The following NOTCH4 variants were observed in gnomAD, a reference collection of about 807,000 sequenced individuals.
NOTCH4 encodes neurogenic locus notch homolog protein 4.
NOTCH4 carries 138 observed loss-of-function variants against 189.0 expected under a neutral mutation model. That is an observed-to-expected ratio of 0.73 (90% CI 0.64 to 0.84). The LOEUF is 0.84. Ranked by LOEUF, NOTCH4 falls within the 40% of genes least tolerant of loss-of-function variation. NOTCH4 has a pLI of 0.00. For missense variants in NOTCH4, 2,286 were observed against 2,605.4 expected (o/e 0.88, Z 2.67); for synonymous variants, 942 against 1,032.8 (o/e 0.91, Z 1.69).
rs1789497585 is a variant in NOTCH4, at chr6:32,217,659, C to A, written c.1624+336G>T. ...GGGGACAGAGGAGTGTCCGGTGAGG[C>A]TGGAGAAGAAAGGCTTGGGGCAGCT... On this transcript the variant is annotated intron_variant, in intron 9 of 29. Transcript: ENST00000375023. This position sits in a 1 kb window ranked among gnomAD's most constrained non-coding sequence, Gnocchi z 4.2. Among the ~76,000 whole-genome samples the A allele has an allele frequency of 6.6e-6, 1 of 152,064 alleles. No homozygotes were observed. The highest frequency in any genetic ancestry group is 2.4e-5 in the African/African-American group (1 of 41,410).
rs781146643 is a variant in NOTCH4, at chr6:32,202,109, TCAAA to T, written c.3718_3721del (p.Phe1240MetfsTer63). 3.3e-6 allele frequency: 5 copies of T among 1,494,056 alleles called. No individual in the cohort carries two copies. The highest frequency in any genetic ancestry group is 3.6e-6 in the Non-Finnish European group (4 of 1,118,732). The allele number at this position is 1,494,056 out of a possible 1,614,324, so 92.5% of individuals were successfully genotyped here. On this transcript the variant is annotated frameshift_variant, in exon 21 of 30. Transcript: ENST00000375023. LOFTEE classifies it high-confidence loss of function. The surrounding 1 kb of genome is among the most constrained non-coding windows in gnomAD (Gnocchi z 5.7). ...TGGAGGGGTCTCACAGTCGTAGCCA[TCAAA>T]CAGACACTCTTCAGAGTCACACTGT...
rs1788950385 is a variant in NOTCH4 at position 32,210,637 on chromosome 6, T to TA, written c.2865+114dup. 5.2e-5 allele frequency: 53 copies of TA among 1,026,000 alleles called. No homozygotes were observed. The highest frequency in any genetic ancestry group is 6.3e-5 in the Non-Finnish European group (43 of 680,964). The allele number at this position is 1,026,000 out of a possible 1,614,324, so 63.6% of individuals were successfully genotyped here. ...TTGTGGTTAGTTGGGTGTGTGGGGT[T>TA]AAAAAAAATAAAAGGAGGTGAAATG... On this transcript the variant is annotated intron_variant, in intron 18 of 29. Coordinates refer to ENST00000375023, the MANE Select transcript of NOTCH4 (RefSeq NM_004557.4). The surrounding 1 kb of genome is among the most constrained non-coding windows in gnomAD (Gnocchi z 4.8).
intron 28 of NOTCH4, 64 bp from the exon 29 acceptor site, chr6:32,196,485 C>G (rs1474906332): frequency 6.3e-7 from 1 of 1,588,264 alleles, no homozygotes; most frequent in South Asian, 1.1e-5. Context: ...TCCGGTTTCC[C>G]ACGGGTTCTG....
rs1464078016 is a variant in NOTCH4, at chr6:32,220,256, A to G, written c.1188T>C (p.Cys396=). 1 of 1,613,494 alleles carries G rather than the reference A, an allele frequency of 6.2e-7. No individual in the cohort carries two copies. The highest frequency in any genetic ancestry group is 8.5e-7 in the Non-Finnish European group (1 of 1,179,800). Residue 396 remains cysteine, a synonymous_variant, in exon 7 of 30, where the codon TGT becomes TGC. Transcript: ENST00000375023. ...CATCCCCATGGCACGGCTGGCTCAG[A>G]CACATGTCTTCCAAGTGGCACAGGA... ...TGLLCHLEDM[C]LSQPCHGDAQ...
Position 32,221,055 on chromosome 6 carries a change from C to A in NOTCH4, c.722G>T (p.Arg241Met). Reference protein sequence around the residue: ...CELRAGPCPPRGCSNGGTCQL... With the variant: ...CELRAGPCPPMGCSNGGTCQL... Reference sequence around the variant, plus strand: ...GCAGGTGCCCCCATTCGAACAGCCCCTAGGAGGGCAGGGTCCTGCCCGCAG... The same window carrying A: ...GCAGGTGCCCCCATTCGAACAGCCCATAGGAGGGCAGGGTCCTGCCCGCAG... Residue 241 changes from arginine (R) to methionine (M), a missense_variant, in exon 4 of 30, where the codon AGG (arginine) becomes ATG (methionine). Arg to Met is a moderately conservative substitution (Grantham distance 91, BLOSUM62 -1). This residue lies in a region of NOTCH4 where 1,903 missense variants were observed against 2,261.9 expected (regional missense o/e 0.84). Coordinates refer to ENST00000375023, the MANE Select transcript of NOTCH4 (RefSeq NM_004557.4). The surrounding 1 kb of genome is among the most constrained non-coding windows in gnomAD (Gnocchi z 4.3). The A allele has an allele frequency of 6.2e-7, 1 of 1,613,060 alleles. No individual in the cohort carries two copies. Among genetic ancestry groups the A allele is most frequent in the Non-Finnish European group, 8.5e-7 (1 of 1,179,730 alleles).
chr6:32,213,007 G>A (rs1049338413), intron 15 of NOTCH4, 96 bp from the exon 16 acceptor site: 1 of 1,324,364 alleles, frequency 7.6e-7, no homozygotes, highest in Admixed American at 1.8e-5. Context: ...CAGGGAGGTG[G>A]CAAGCCAGGA....
At position 32,199,105 on chromosome 6, in the gene NOTCH4, G is replaced by A. The variant is rs776576557; in HGVS notation, c.4356C>T (p.Ser1452=). 7 of 1,611,622 alleles carry A rather than the reference G, an allele frequency of 4.3e-6. No homozygotes were observed. Among genetic ancestry groups the A allele is most frequent in the Non-Finnish European group, 4.2e-6 (5 of 1,179,474 alleles). Residue 1452 remains serine (S), a synonymous_variant, in exon 24 of 30, where the codon TCC becomes TCT. Transcript: ENST00000375023. This position sits in a 1 kb window ranked among gnomAD's most constrained non-coding sequence, Gnocchi z 4.9. ...ANQLPWPVLC[S]PVAGVILLAL... ...CCAGGAGAATCACCCCGGCCACTGG[G>A]GAGCACAGCACAGGCCAGGGAAGCT...
Position 32,217,892 on chromosome 6 carries a change from G to A in NOTCH4, c.1624+103C>T. On this transcript the variant is annotated intron_variant, in intron 9 of 29. Transcript: ENST00000375023. This position sits in a 1 kb window ranked among gnomAD's most constrained non-coding sequence, Gnocchi z 4.2. Reference sequence around the variant, plus strand: ...ACAGATTTGGAGGACTCCTTGGCTTGGCTAGAGAGAGCTTCAAGTGGCCTT... The same window carrying A: ...ACAGATTTGGAGGACTCCTTGGCTTAGCTAGAGAGAGCTTCAAGTGGCCTT... 1 of 733,336 alleles carries A rather than the reference G, an allele frequency of 1.4e-6. No individual in the cohort carries two copies. The allele number at this position is 733,336 out of a possible 1,614,324, so 45.4% of individuals were successfully genotyped here. A position where few individuals can be genotyped will look rare whatever the true frequency, so the allele number is the denominator to read the frequency against.
At chr6:32,197,852 C>G (rs1196800809) in intron 26 of NOTCH4, among the ~76,000 whole-genome samples, 1 of 143,938 alleles carries the variant, frequency 6.9e-6, no homozygotes, top group Non-Finnish European at 1.5e-5. Context: ...GACGGAGTCT[C>G]GCCCTGTCAC....
At position 32,196,421 on chromosome 6, in the gene NOTCH4, C is replaced by A. The variant is rs769112107; in HGVS notation, c.5201G>T (p.Gly1734Val). 61 of 1,612,694 alleles carry A rather than the reference C, an allele frequency of 3.8e-5. No individual in the cohort carries two copies. The highest frequency in any genetic ancestry group is 5.2e-5 in the Non-Finnish European group (61 of 1,179,956). The change falls in exon 29 of 30, where the codon GGG becomes GTG. Residue 1734 changes from glycine to valine, a missense_variant and splice_region_variant. This residue lies in a region of NOTCH4 where 1,903 missense variants were observed against 2,261.9 expected (regional missense o/e 0.84). Transcript: ENST00000375023. ...QADVGARDKW[G>V]KTALHWAAAV... The stretch of plus-strand genomic sequence containing the variant: ...AGCAGCCCAGTGCAGCGCAGTTTTC[C>A]CTAGGGGACGACGTGGGAGGTTGTT...
At chr6:32,196,488 G>A in intron 28 of NOTCH4, 67 bp from the exon 29 acceptor site, 1 of 1,582,668 alleles carries the variant, frequency 6.3e-7, no homozygotes. Context: ...GGTTTCCCAC[G>A]GGTTCTGGCC....
intron 18 of NOTCH4, among the ~76,000 whole-genome samples, chr6:32,206,376 G>C (rs1432842126): frequency 2.0e-5 from 3 of 151,964 alleles, no homozygotes; most frequent in African/African-American, 7.2e-5. Flanking sequence ...AATCAATGTA[G>C]AAAAAGTAGT....
At chr6:32,214,366 CCT>C (rs1789239206) in intron 12 of NOTCH4, 111 bp from the exon 13 acceptor site, 2 of 1,225,256 alleles carry the variant, frequency 1.6e-6, no homozygotes, top group Non-Finnish European at 2.3e-6. Context: ...GAGATTCTGG[CCT>C]CTTTCTTCAG....
chr6:32,197,368 G>A lies in NOTCH4; in HGVS notation c.4983C>T (p.Asn1661=), dbSNP rs2127460997. The change falls in exon 27 of 30, where the codon AAC becomes AAT. Residue 1661 remains asparagine, a synonymous_variant. Coordinates refer to ENST00000375023, the MANE Select transcript of NOTCH4 (RefSeq NM_004557.4). Reference sequence around the variant, plus strand: ...GTGTGCGCCCTGCCCGGTCTGGCTGGTTGGGGTTGGCTCCAGCCTCAAGGA... The same window carrying A: ...GTGTGCGCCCTGCCCGGTCTGGCTGATTGGGGTTGGCTCCAGCCTCAAGGA... ...RRLLEAGANP[N]QPDRAGRTPL... The A allele has an allele frequency of 1.3e-6, 2 of 1,536,076 alleles. No homozygotes were observed. The highest frequency in any genetic ancestry group is 1.8e-6 in the Non-Finnish European group (2 of 1,142,454).
At position 32,219,699 on chromosome 6, in the gene NOTCH4, G is replaced by A; in HGVS notation, c.1403C>T (p.Thr468Ile). Residue 468 changes from threonine to isoleucine, a missense_variant, in exon 8 of 30, where the codon ACA (threonine) becomes ATA (isoleucine). Physicochemically the swap from Thr to Ile is moderately conservative, Grantham distance 89. Transcript: ENST00000375023. Reference protein sequence around the residue: ...SFNCLCPPGYTGSRCEADHNE... With the variant: ...SFNCLCPPGYIGSRCEADHNE... Reference sequence around the variant, plus strand: ...GTGATCAGCCTCACAACGGGAGCCTGTGTAGCCAGGTGGACAGAGGCAGTT... The same window carrying A: ...GTGATCAGCCTCACAACGGGAGCCTATGTAGCCAGGTGGACAGAGGCAGTT... 2 of 1,613,152 alleles carry A rather than the reference G, an allele frequency of 1.2e-6. No homozygotes were observed. The highest frequency in any genetic ancestry group is 1.7e-6 in the Non-Finnish European group (2 of 1,179,974).
rs541604461 is a variant in NOTCH4 at position 32,202,381 on chromosome 6, C to A, written c.3450G>T (p.Thr1150=). ...ATCGAAAGCCTGGGCCCCCCAAGCC[C>A]GTGGTCTCTGAGCAGCTGCCATTGT... The part of the protein sequence containing the change: ...CLYNGSCSET[T]GLGGPGFRCS... The change falls in exon 21 of 30, where the codon ACG becomes ACT. Residue 1150 remains threonine, a synonymous_variant. Transcript: ENST00000375023. The surrounding 1 kb of genome is among the most constrained non-coding windows in gnomAD (Gnocchi z 5.7). 36 of 1,612,600 alleles carry A rather than the reference C, an allele frequency of 2.2e-5. No individual in the cohort carries two copies. The South Asian group carries it at 3.4e-4, about 15-fold the overall frequency.
intron 1 of NOTCH4, 26 bp from the exon 2 acceptor site, chr6:32,223,112 G>A (rs750980076): frequency 1.3e-6 from 2 of 1,574,896 alleles, no homozygotes. Context: ...CAGGCGCAAT[G>A]GAAGCCCTGG....
In NOTCH4 at chr6:32,215,266, G is replaced by A. The variant is rs765360898; in HGVS notation, c.1981C>T (p.Pro661Ser). The A allele has an allele frequency of 3.1e-6, 5 of 1,605,724 alleles. No homozygotes were observed. Among genetic ancestry groups the A allele is most frequent in the East Asian group, 2.2e-5 (1 of 44,700 alleles). The change falls in exon 12 of 30, where the codon CCT becomes TCT. Residue 661 changes from proline (P) to serine (S), a missense_variant. Physicochemically the swap from Pro to Ser is moderately conservative, Grantham distance 74. Around this residue, in one of 2 missense-constraint regions of NOTCH4, gnomAD observed 1,903 missense variants for 2,261.9 expected, o/e 0.84. Coordinates refer to ENST00000375023, the MANE Select transcript of NOTCH4 (RefSeq NM_004557.4). ...TGGTGGCAGGTGCAGTTGTCCTCAG[G>A]TGGGGCACAGCCAGGGCTTCCATCA... ...CPDGSPGCAP[P>S]EDNCTCHHGH...
Position 32,221,393 on chromosome 6 carries a change from G to C in NOTCH4, c.452-68C>G. ...ATTCTAGCCCATCTGAGGTTACCCA[G>C]TGCTCACTCTGGATTATCTCTGGGT... On this transcript the variant is annotated intron_variant, in intron 3 of 29. Coordinates refer to ENST00000375023, the MANE Select transcript of NOTCH4 (RefSeq NM_004557.4). This position sits in a 1 kb window ranked among gnomAD's most constrained non-coding sequence, Gnocchi z 4.3. 8.6e-7 allele frequency: 1 copy of C among 1,163,948 alleles called. No individual in the cohort carries two copies. 72.1% of individuals were successfully genotyped at this position (1,163,948 alleles called of 1,614,324 possible). A position where few individuals can be genotyped will look rare whatever the true frequency, so the allele number is the denominator to read the frequency against.
Sources: allele counts gnomAD v4.1 joint callset (sites outside exome capture counted in the v4.1 genomes callset), GRCh38; gene constraint gnomAD v4.1.1; regional missense constraint gnomAD v4.1.1; non-coding constraint Gnocchi (gnomAD v3.1); transcripts MANE v1.5; gene names NCBI Gene and HGNC (gene_info 2026-07-23, HGNC 2026-07-21).